The following ACOXL variants were observed in gnomAD, a reference collection of about 807,000 sequenced individuals.
ACOXL encodes the protein acyl-CoA oxidase like.
In ACOXL, 70 loss-of-function variants were observed where a neutral mutation model predicts 71.9. The observed-to-expected ratio is 0.97, with a 90% CI of 0.80 to 1.19. ACOXL has a LOEUF of 1.19. ACOXL is among the 50% of genes most tolerant of loss of function. ACOXL has a pLI of 0.00. For synonymous variants in ACOXL, 253 were observed against 281.6 expected (o/e 0.90, Z 1.02); for missense variants, 703 against 736.3 (o/e 0.95, Z 0.52).
chr2:111,013,594 T>A (rs1284787132), intron 14 of ACOXL, among the ~76,000 whole-genome samples: 5 of 151,846 alleles, frequency 3.3e-5, no homozygotes, highest in Admixed American at 6.6e-5. Flanking sequence ...ATGAATTTAA[T>A]TCGCTTTTTT....
At chr2:111,001,536 A>T (rs1357869187) in intron 14 of ACOXL, among the ~76,000 whole-genome samples, 1 of 152,374 alleles carries the variant, frequency 6.6e-6, no homozygotes, top group South Asian at 2.1e-4. Context: ...CTGGGTGTGC[A>T]TAGGACTGTG....
At chr2:110,767,585 T>C (rs1015308153) in intron 1 of ACOXL, among the ~76,000 whole-genome samples, 1 of 152,134 alleles carries the variant, frequency 6.6e-6, no homozygotes, top group African/African-American at 2.4e-5. Flanking sequence ...GTGAATGTAA[T>C]TACCATCACT....
intron 2 of ACOXL, among the ~76,000 whole-genome samples, chr2:110,778,535 T>C (rs922031185): frequency 5.3e-5 from 8 of 152,230 alleles, no homozygotes; most frequent in African/African-American, 1.9e-4. Flanking sequence ...TGGAGTCAGA[T>C]AGAACAGGGT....
At chr2:111,037,832 A>G (rs1449847814) in intron 15 of ACOXL, among the ~76,000 whole-genome samples, 1 of 152,106 alleles carries the variant, frequency 6.6e-6, no homozygotes, top group Non-Finnish European at 1.5e-5. Flanking sequence ...ACTCTTTAAG[A>G]GGTTTCTTTC....
intron 16 of ACOXL, among the ~76,000 whole-genome samples, chr2:111,082,342 A>G (rs941164292): frequency 1.3e-5 from 2 of 151,968 alleles, no homozygotes; most frequent in African/African-American, 4.8e-5. Flanking sequence ...AAAAGAAACA[A>G]CCCCATCAAA....
intron 15 of ACOXL, among the ~76,000 whole-genome samples, chr2:111,043,212 C>T (rs1432410023): frequency 1.3e-5 from 2 of 152,072 alleles, no homozygotes; most frequent in African/African-American, 2.4e-5. Context: ...CTCACCCTCT[C>T]GTGGAGGTCC....
chr2:111,054,434 A>G (rs1294428560), intron 16 of ACOXL, among the ~76,000 whole-genome samples: 1 of 152,178 alleles, frequency 6.6e-6, no homozygotes, highest in East Asian at 1.9e-4. Flanking sequence ...CCAGTGGGAC[A>G]TGCAGGGGCC....
At chr2:110,979,246 A>C (rs56088557) in intron 12 of ACOXL, among the ~76,000 whole-genome samples, 1 of 151,964 alleles carries the variant, frequency 6.6e-6, no homozygotes, top group Non-Finnish European at 1.5e-5. Flanking sequence ...AAGAACGCCA[A>C]CCATGCTCCT....
intron 3 of ACOXL, among the ~76,000 whole-genome samples, chr2:110,788,028 G>A (rs545955865): frequency 2.0e-5 from 3 of 152,278 alleles, no homozygotes; most frequent in Non-Finnish European, 2.9e-5. Context: ...TACATAATAG[G>A]TGTCAATACT....
Position 110,951,496 on chromosome 2 carries a change from G to T in ACOXL, c.1059+17854G>T, listed in dbSNP as rs138737458. ...AATGCCATGGTTAATTAAAGGAAGT[G>T]GTTCATAACAGGCACCTGTATTTTA... On this transcript the variant is annotated intron_variant, in intron 12 of 17. Transcript: ENST00000439055. Among the ~76,000 whole-genome samples, 881 of 152,278 alleles carry T rather than the reference G, an allele frequency of 5.8e-3. 12 individuals are homozygous for T. The highest frequency in any genetic ancestry group is 0.02 in the African/African-American group (831 of 41,544).
chr2:110,958,559 A>G (rs2061587297), intron 12 of ACOXL, among the ~76,000 whole-genome samples: 1 of 152,236 alleles, frequency 6.6e-6, no homozygotes, highest in South Asian at 2.1e-4. Flanking sequence ...GTGATGTGGC[A>G]GCCTTCCTGC....
At chr2:110,944,749 A>G (rs2061031672) in intron 12 of ACOXL, among the ~76,000 whole-genome samples, 1 of 152,160 alleles carries the variant, frequency 6.6e-6, no homozygotes, top group Non-Finnish European at 1.5e-5. Flanking sequence ...TCTATTATTG[A>G]TGGGCATTTA....
At chr2:111,023,139 G>A (rs751170887) in intron 14 of ACOXL, among the ~76,000 whole-genome samples, 5 of 152,316 alleles carry the variant, frequency 3.3e-5, no homozygotes, top group South Asian at 2.1e-4. Flanking sequence ...GCTCCGAGAC[G>A]TCCTTCTGTC....
At chr2:111,104,889 A>C (rs2069429116) in intron 17 of ACOXL, among the ~76,000 whole-genome samples, 1 of 152,164 alleles carries the variant, frequency 6.6e-6, no homozygotes, top group African/African-American at 2.4e-5. Context: ...CAAGTCTAAA[A>C]ACTTTTCACC....
intron 10 of ACOXL, among the ~76,000 whole-genome samples, chr2:110,900,960 C>T (rs1319662230): frequency 1.3e-5 from 2 of 152,194 alleles, no homozygotes; most frequent in African/African-American, 4.8e-5. Flanking sequence ...ATCTGAGGGG[C>T]TTCTGTGGTC....
intron 15 of ACOXL, among the ~76,000 whole-genome samples, chr2:111,040,498 G>A (rs142482248): frequency 6.6e-6 from 1 of 152,194 alleles, no homozygotes; most frequent in Non-Finnish European, 1.5e-5. Flanking sequence ...TTGTGCCAAG[G>A]ACTGTGTTAC....
intron 10 of ACOXL, among the ~76,000 whole-genome samples, chr2:110,876,652 C>T (rs1008466175): frequency 2.0e-5 from 3 of 152,284 alleles, no homozygotes; most frequent in African/African-American, 4.8e-5. Context: ...AGAGTAATGG[C>T]GGCTCGGGGT....
intron 1 of ACOXL, among the ~76,000 whole-genome samples, chr2:110,762,110 A>G (rs1257957465): frequency 1.3e-5 from 2 of 151,878 alleles, no homozygotes; most frequent in Non-Finnish European, 2.9e-5. Flanking sequence ...ATCTTTGGTG[A>G]TGTTCTTTTT....
At chr2:110,910,415 A>G (rs2059613086) in intron 11 of ACOXL, among the ~76,000 whole-genome samples, 1 of 152,240 alleles carries the variant, frequency 6.6e-6, no homozygotes, top group African/African-American at 2.4e-5. Context: ...GTTACTATGA[A>G]AAAGGCAAAG....
Sources: allele counts gnomAD v4.1 joint callset (sites outside exome capture counted in the v4.1 genomes callset), GRCh38; gene constraint gnomAD v4.1.1; transcripts MANE v1.5; gene names NCBI Gene and HGNC (gene_info 2026-07-23, HGNC 2026-07-21).